Variants in BRPF3 observed in about 807,000 individuals in gnomAD.
BRPF3 encodes the protein bromodomain and PHD finger containing 3, also known as bromodomain and PHD finger-containing protein 3.
A neutral mutation model predicts 102.0 loss-of-function variants in BRPF3; 18 were observed. The ratio of observed to expected loss-of-function variants is 0.18; its 90% CI spans 0.12 to 0.26. The LOEUF (loss-of-function observed/expected upper bound fraction) is 0.26. BRPF3 is among the 10% of genes least tolerant of loss of function. BRPF3 has a pLI of 1.00. For synonymous variants in BRPF3, 570 were observed against 614.2 expected (o/e 0.93, Z 1.06); for missense variants, 1,147 against 1,567.8 (o/e 0.73, Z 4.53).
intron 8 of BRPF3, among the ~76,000 whole-genome samples, chr6:36,217,124 T>C (rs754736276): frequency 2.0e-5 from 3 of 152,208 alleles, no homozygotes; most frequent in Non-Finnish European, 2.9e-5. Flanking sequence ...ACAGCCTTCA[T>C]TCGCCTCTGA....
At chr6:36,212,098 C>T (rs1768139886) in intron 7 of BRPF3, among the ~76,000 whole-genome samples, 1 of 151,902 alleles carries the variant, frequency 6.6e-6, no homozygotes, top group African/African-American at 2.4e-5. Context: ...AGTAGAGAGG[C>T]CAGACTATAA....
intron 11 of BRPF3, among the ~76,000 whole-genome samples, chr6:36,227,194 T>C (rs919198359): frequency 6.6e-6 from 1 of 152,216 alleles, no homozygotes; most frequent in African/African-American, 2.4e-5. Flanking sequence ...TTTAATTTTT[T>C]CTGGCTCTTG....
chr6:36,222,051 C>T (rs1273977472), intron 9 of BRPF3, 117 bp from the exon 10 acceptor site: 1 of 974,116 alleles, frequency 1.0e-6, no homozygotes, highest in Non-Finnish European at 1.6e-6. Flanking sequence ...AAACTGTCCT[C>T]CCTGAAGAGT....
At chr6:36,217,790 C>T (rs1356283154) in intron 8 of BRPF3, 127 bp from the exon 9 acceptor site, 1 of 671,676 alleles carries the variant, frequency 1.5e-6, no homozygotes, top group Admixed American at 3.1e-5. Flanking sequence ...ACCCATTTCT[C>T]ACAGGGAAAG....
Position 36,231,308 on chromosome 6 carries a change from CCCTCCCCCAGGACACCA to C in BRPF3, c.*706_*722del, listed in dbSNP as rs1185768814. 6.5e-6 allele frequency: 1 copy of C among 152,728 alleles called. No individual in the cohort carries two copies. Among genetic ancestry groups the C allele is most frequent in the Non-Finnish European group, 1.5e-5 (1 of 68,182 alleles). The allele number at this position is 152,728 out of a possible 1,614,324, so 9.5% of individuals were successfully genotyped here. A position where few individuals can be genotyped will look rare whatever the true frequency, so the allele number is the denominator to read the frequency against. ...AGAGGCCAGCCCACAACCTATGACC[CCCTCCCCCAGGACACCA>C]CCTCCCACCCACAGACCTTCCCTTT... is the stretch of plus-strand genomic sequence containing the variant. On this transcript the variant is annotated 3_prime_UTR_variant, in exon 13 of 13. Transcript: ENST00000357641.
intron 11 of BRPF3, among the ~76,000 whole-genome samples, chr6:36,227,724 A>G (rs570240496): frequency 6.6e-6 from 1 of 152,300 alleles, no homozygotes; most frequent in Non-Finnish European, 1.5e-5. Context: ...CTTTACTTCA[A>G]TCCCAGGAGG....
intron 7 of BRPF3, among the ~76,000 whole-genome samples, chr6:36,213,421 C>T (rs576473868): frequency 3.3e-5 from 5 of 152,134 alleles, no homozygotes; most frequent in African/African-American, 4.8e-5. Context: ...GGGATGGGTA[C>T]AGTGGCTCAT....
At chr6:36,226,544 A>G (rs1038342433) in intron 11 of BRPF3, among the ~76,000 whole-genome samples, 3 of 152,180 alleles carry the variant, frequency 2.0e-5, no homozygotes, top group African/African-American at 4.8e-5. Context: ...TGAGGCATCA[A>G]TATTTTTTAG....
rs1004525737 is a variant in BRPF3, at chr6:36,214,230, G to T, written c.2833G>T (p.Asp945Tyr). ...TGGGGTTAAGCTACAGAGAAGCCCAGACAGGGTCCTGGAGAATGGCGAGGA... is the reference window on the plus strand; with the variant it reads ...TGGGGTTAAGCTACAGAGAAGCCCATACAGGGTCCTGGAGAATGGCGAGGA... ...KNGVKLQRSP[D>Y]RVLENGEDHG... Residue 945 changes from aspartate to tyrosine, a missense_variant, in exon 8 of 13, where the codon GAC becomes TAC. Physicochemically the swap from Asp to Tyr is radical, Grantham distance 160. This residue lies in a region of BRPF3 where 379 missense variants were observed against 426.3 expected (regional missense o/e 0.89). Transcript: ENST00000357641. 4 of 1,614,100 alleles carry T rather than the reference G, an allele frequency of 2.5e-6. No individual in the cohort carries two copies. In the African/African-American group the frequency reaches 5.3e-5, roughly 22 times the overall value.
In BRPF3 at chr6:36,213,919, C is replaced by G; in HGVS notation, c.2522C>G (p.Thr841Ser). 1.9e-6 allele frequency: 3 copies of G among 1,613,290 alleles called. No homozygotes were observed. The highest frequency in any genetic ancestry group is 2.5e-6 in the Non-Finnish European group (3 of 1,179,440). Residue 841 changes from threonine (T) to serine (S), a missense_variant, in exon 8 of 13, where the codon ACT becomes AGT. Around this residue, in one of 11 missense-constraint regions of BRPF3, gnomAD observed 379 missense variants for 426.3 expected, o/e 0.89. Coordinates refer to ENST00000357641, the MANE Select transcript of BRPF3 (RefSeq NM_015695.3). ...CCTCCTCCGCCAACCCTGGAGCCCA[C>G]TGGGCCTGCACCTTCCTTGTCTGAG... ...KLPPPPTLEP[T>S]GPAPSLSEQE... is the part of the protein sequence containing the mutation.
At chr6:36,213,378 A>G (rs1768200438) in intron 7 of BRPF3, among the ~76,000 whole-genome samples, 1 of 152,172 alleles carries the variant, frequency 6.6e-6, no homozygotes, top group African/African-American at 2.4e-5. Context: ...CAGGGTTGAG[A>G]ACTACTAGTG....
intron 9 of BRPF3, among the ~76,000 whole-genome samples, chr6:36,219,555 T>C (rs1307559056): frequency 2.0e-5 from 3 of 152,148 alleles, no homozygotes; most frequent in Non-Finnish European, 4.4e-5. Context: ...TCTTTTCAGC[T>C]ATGAGCCACA....
rs1768967105 is a variant in BRPF3, at chr6:36,232,460, CTCTT to C, written c.*1853_*1856del. 6.6e-6 allele frequency: 1 copy of C among 152,620 alleles called. No individual in the cohort carries two copies. The highest frequency in any genetic ancestry group is 6.5e-5 in the Admixed American group (1 of 15,288). 9.5% of individuals were successfully genotyped at this position (152,620 alleles called of 1,614,324 possible). On this transcript the variant is annotated 3_prime_UTR_variant, in exon 13 of 13. Transcript: ENST00000357641. ...CCAACACTTTCTCTTCTTAGTCTCT[CTCTT>C]TATTTTTCAATCTCTGAATATTTTA... is the stretch of plus-strand genomic sequence containing the variant.
intron 11 of BRPF3, among the ~76,000 whole-genome samples, chr6:36,227,669 TC>T (rs1054816606): frequency 6.6e-6 from 1 of 152,144 alleles, no homozygotes; most frequent in African/African-American, 2.4e-5. Context: ...TGTTTGGTAA[TC>T]AAGGAAGCTT....
chr6:36,222,106 G>A (rs1768565057), intron 9 of BRPF3, 62 bp from the exon 10 acceptor site: 4 of 1,475,462 alleles, frequency 2.7e-6, no homozygotes, highest in Admixed American at 3.9e-5. Context: ...GGGAGAAGGG[G>A]AGTCGGCGTT....
chr6:36,204,789 T>C lies in BRPF3; in HGVS notation c.1580T>C (p.Leu527Pro), dbSNP rs750358421. Residue 527 changes from leucine (L) to proline (P), a missense_variant, in exon 3 of 13, where the codon CTG becomes CCG. By Grantham distance (98) the Leu-to-Pro change is moderately conservative. Around this residue, in one of 11 missense-constraint regions of BRPF3, gnomAD observed 37 missense variants for 33.3 expected, o/e 1.11. Coordinates refer to ENST00000357641, the MANE Select transcript of BRPF3 (RefSeq NM_015695.3). Reference sequence around the variant, plus strand: ...CTTATCCGGCGCTTGCACTCCCATCTGCAGTCCCAAAGAAACGCTGAGCAG... The same window carrying C: ...CTTATCCGGCGCTTGCACTCCCATCCGCAGTCCCAAAGAAACGCTGAGCAG... ...VPLIRRLHSH[L>P]QSQRNAEQRE... The C allele has an allele frequency of 3.1e-6, 5 of 1,614,204 alleles. No homozygotes were observed. Among genetic ancestry groups the C allele is most frequent in the Non-Finnish European group, 4.2e-6 (5 of 1,180,004 alleles).
intron 9 of BRPF3, 41 bp downstream of exon 9, chr6:36,218,051 C>A: frequency 6.5e-7 from 1 of 1,547,784 alleles, no homozygotes. Flanking sequence ...AGCTCTGCTA[C>A]CCCTCCTTTT....
chr6:36,225,129 A>G (rs1768686818), intron 10 of BRPF3, 138 bp from the exon 11 acceptor site: 2 of 640,108 alleles, frequency 3.1e-6, no homozygotes, highest in Non-Finnish European at 5.5e-6. Flanking sequence ...TAAGGAAAGG[A>G]GAGGGAAAAG....
intron 10 of BRPF3, among the ~76,000 whole-genome samples, chr6:36,222,710 T>A (rs1158288113): frequency 6.6e-6 from 1 of 152,206 alleles, no homozygotes; most frequent in East Asian, 1.9e-4. Flanking sequence ...ATCTTGGAGA[T>A]CCTTCTGTGC....
Sources: allele counts gnomAD v4.1 joint callset (sites outside exome capture counted in the v4.1 genomes callset), GRCh38; gene constraint gnomAD v4.1.1; regional missense constraint gnomAD v4.1.1; transcripts MANE v1.5; gene names NCBI Gene and HGNC (gene_info 2026-07-23, HGNC 2026-07-21).